Variants in EYS observed in about 807,000 individuals in gnomAD.
EYS encodes EGF-like photoreceptor maintenance factor.
In EYS, 250 loss-of-function variants were observed where a neutral mutation model predicts 282.1. That is an observed-to-expected ratio of 0.89 (90% CI 0.80 to 0.98). EYS has a LOEUF of 0.98. Among genes scored for constraint, EYS ranks in the 50% least tolerant of loss-of-function variants. EYS has a pLI of 0.00. For missense variants in EYS, 4,016 were observed against 3,709.0 expected (o/e 1.08, Z -2.15); for synonymous variants, 1,355 against 1,282.9 (o/e 1.06, Z -1.20).
intron 2 of EYS, among the ~76,000 whole-genome samples, chr6:65,603,693 T>G (rs1220666093): frequency 6.6e-6 from 1 of 151,972 alleles, no homozygotes; most frequent in Non-Finnish European, 1.5e-5. Context: ...CCCAGAGCTT[T>G]CTTAATGAGC....
intron 30 of EYS, among the ~76,000 whole-genome samples, chr6:64,254,753 T>C (rs1767335238): frequency 6.6e-6 from 1 of 152,128 alleles, no homozygotes; most frequent in African/African-American, 2.4e-5. Flanking sequence ...TAAATCCTGT[T>C]TGCATTATTG....
At chr6:64,799,564 ATAGT>A (rs984603553) in intron 22 of EYS, among the ~76,000 whole-genome samples, 3 of 151,638 alleles carry the variant, frequency 2.0e-5, no homozygotes, top group African/African-American at 7.2e-5. Flanking sequence ...CATTAAGTAA[ATAGT>A]TAATTTAAAA....
chr6:64,886,842 T>A lies in EYS; in HGVS notation c.2847A>T (p.Arg949Ser), dbSNP rs1767105507. The A allele has an allele frequency of 6.6e-7, 1 of 1,514,200 alleles. No homozygotes were observed. Among genetic ancestry groups the A allele is most frequent in the South Asian group, 1.3e-5 (1 of 76,486 alleles). 93.8% of individuals were successfully genotyped at this position (1,514,200 alleles called of 1,614,324 possible). Residue 949 changes from arginine (R) to serine (S), a missense_variant and splice_region_variant, in exon 19 of 43, where the codon AGA (arginine) becomes AGT (serine). Physicochemically the swap from Arg to Ser is moderately radical, Grantham distance 110. Transcript: ENST00000503581. ...NNGTCVDLTN[R>S]FFCNCEPEYH... ...ACTCAGGTTCACAATTACAAAAAAA[T>A]CTGGAGAAAAGTGGAGAAATGAGGA...
At chr6:64,356,576 C>T (rs1023639903) in intron 29 of EYS, among the ~76,000 whole-genome samples, 1 of 151,598 alleles carries the variant, frequency 6.6e-6, no homozygotes, top group Admixed American at 6.6e-5. Context: ...TAGTAACACA[C>T]TAACATTTTA....
At chr6:64,879,219 A>T (rs928352297) in intron 19 of EYS, among the ~76,000 whole-genome samples, 3 of 152,080 alleles carry the variant, frequency 2.0e-5, no homozygotes, top group African/African-American at 7.2e-5. Context: ...AGGGGAAAAG[A>T]CCCACCAATA....
At chr6:65,392,827 T>C (rs566049906) in intron 7 of EYS, among the ~76,000 whole-genome samples, 1 of 151,242 alleles carries the variant, frequency 6.6e-6, no homozygotes, top group East Asian at 2.0e-4. Flanking sequence ...ACTGGGTATA[T>C]ACCCAAAGGA....
chr6:65,044,371 C>G (rs1005289166), intron 13 of EYS, among the ~76,000 whole-genome samples: 2 of 151,676 alleles, frequency 1.3e-5, no homozygotes, highest in South Asian at 2.1e-4. Flanking sequence ...CATGCAGAAG[C>G]TTTTTACCTT....
chr6:64,248,676 T>C (rs1481599493), intron 30 of EYS, among the ~76,000 whole-genome samples: 6 of 152,118 alleles, frequency 3.9e-5, no homozygotes, highest in Non-Finnish European at 8.8e-5. Flanking sequence ...AGTATAGAGA[T>C]TTCTCAAAGA....
At chr6:64,686,871 G>A (rs1177818969) in intron 22 of EYS, among the ~76,000 whole-genome samples, 1 of 105,956 alleles carries the variant, frequency 9.4e-6, no homozygotes, top group African/African-American at 3.6e-5. Context: ...ATATATACGT[G>A]TATATATATA....
chr6:65,264,276 A>T (rs571832132), intron 12 of EYS, among the ~76,000 whole-genome samples: 1 of 152,296 alleles, frequency 6.6e-6, no homozygotes, highest in Admixed American at 6.6e-5. Context: ...TTGTAGGAAA[A>T]GTGTACTAAT....
intron 2 of EYS, among the ~76,000 whole-genome samples, chr6:65,634,885 T>G (rs1412140489): frequency 6.6e-6 from 1 of 152,210 alleles, no homozygotes; most frequent in Non-Finnish European, 1.5e-5. Flanking sequence ...GTCTAACATC[T>G]GGATAAATTG....
Position 65,443,933 on chromosome 6 carries a change from A to G in EYS, c.863-38566T>C, listed in dbSNP as rs542004241. On this transcript the variant is annotated intron_variant, in intron 5 of 42. Coordinates refer to ENST00000503581, the MANE Select transcript of EYS (RefSeq NM_001142800.2). ...TTTTCTTTATATCCATAAGATCAGA[A>G]GAACACTTTAAATAATTAACCTAAG... is the stretch of plus-strand genomic sequence containing the variant. Among the ~76,000 whole-genome samples, 37 of 152,008 alleles carry G rather than the reference A, an allele frequency of 2.4e-4. 1 individual carries two copies. Among genetic ancestry groups the G allele is most frequent in the African/African-American group, 8.9e-4 (37 of 41,526 alleles).
Position 65,581,540 on chromosome 6 carries a change from A to G in EYS, c.-333+58238T>C, listed in dbSNP as rs538899892. ...TGTTCAATACTTGGTGTGCCAGTCAATGAGGGAAACAAAAATGTTGCTTTA... is the reference window on the plus strand; with the variant it reads ...TGTTCAATACTTGGTGTGCCAGTCAGTGAGGGAAACAAAAATGTTGCTTTA... On this transcript the variant is annotated intron_variant, in intron 2 of 42. Coordinates refer to ENST00000503581, the MANE Select transcript of EYS (RefSeq NM_001142800.2). Among the ~76,000 whole-genome samples the G allele has an allele frequency of 2.0e-5, 3 of 152,272 alleles. No homozygotes were observed. The South Asian group carries it at 6.2e-4, about 32-fold the overall frequency.
Position 65,642,243 on chromosome 6 carries a change from T to C in EYS, c.-447-2351A>G, listed in dbSNP as rs184123222. ...TGTTGTTTGTGTTTCGGTGGGTACA[T>C]GCTTTTGGTGTGTTTTTACTTTATG... is the stretch of plus-strand genomic sequence containing the variant. On this transcript the variant is annotated intron_variant, in intron 1 of 42. Coordinates refer to ENST00000503581, the MANE Select transcript of EYS (RefSeq NM_001142800.2). Among the ~76,000 whole-genome samples the C allele has an allele frequency of 5.9e-5, 9 of 152,240 alleles. No individual in the cohort carries two copies. The South Asian group carries it at 1.5e-3, about 25-fold the overall frequency.
chr6:65,402,657 G>A (rs778505278), intron 6 of EYS, 52 bp from the exon 7 acceptor site: 3 of 1,254,056 alleles, frequency 2.4e-6, no homozygotes, highest in Admixed American at 3.5e-5. Context: ...TATTTCAAAG[G>A]TAATGAATGG....
intron 14 of EYS, among the ~76,000 whole-genome samples, chr6:64,993,475 G>A (rs1173503961): frequency 6.7e-6 from 1 of 149,570 alleles, no homozygotes; most frequent in Non-Finnish European, 1.5e-5. Flanking sequence ...ACTACCGCAA[G>A]GACAAAAAAT....
At chr6:64,831,652 G>T (rs1288817197) in intron 19 of EYS, among the ~76,000 whole-genome samples, 1 of 151,766 alleles carries the variant, frequency 6.6e-6, no homozygotes, top group Non-Finnish European at 1.5e-5. Flanking sequence ...AAGAATGGGG[G>T]CAATTCTTCA....
At chr6:64,399,774 A>T (rs1321706189) in intron 28 of EYS, among the ~76,000 whole-genome samples, 1 of 151,908 alleles carries the variant, frequency 6.6e-6, no homozygotes, top group African/African-American at 2.4e-5. Context: ...GAGTATCAAG[A>T]TGACTGAATT....
At chr6:64,564,241 T>C (rs930739548) in intron 26 of EYS, among the ~76,000 whole-genome samples, 6 of 144,608 alleles carry the variant, frequency 4.1e-5, no homozygotes, top group African/African-American at 1.2e-4. Context: ...CTTTTCTCCA[T>C]ATCCTCATCA....
Sources: gnomAD v4.1 joint callset for allele counts (sites outside exome capture counted in the v4.1 genomes callset) on GRCh38, gnomAD v4.1.1 for gene constraint, MANE v1.5 for transcripts, NCBI Gene and HGNC (gene_info 2026-07-23, HGNC 2026-07-21) for gene names.